The following GRIA3 variants were observed in gnomAD, a reference collection of about 807,000 sequenced individuals.
GRIA3 encodes glutamate ionotropic receptor AMPA type subunit 3.
GRIA3 carries 3 observed loss-of-function variants against 63.0 expected under a neutral mutation model. The ratio of observed to expected loss-of-function variants is 0.05; its 90% confidence interval spans 0.02 to 0.12. GRIA3 has a LOEUF of 0.12. GRIA3 is among the 10% of genes least tolerant of loss of function. The pLI, the probability that GRIA3 is intolerant of heterozygous loss-of-function variation, is 1.00. For synonymous variants in GRIA3, 274 were observed against 257.9 expected (o/e 1.06, Z -0.60); for missense variants, 347 against 700.9 (o/e 0.50, Z 5.70).
At chrX:123,246,812 T>A (rs2044361876) in intron 2 of GRIA3, among the ~76,000 whole-genome samples, 1 of 108,829 alleles carries the variant, frequency 9.2e-6, no homozygotes, top group Non-Finnish European at 1.9e-5. Flanking sequence ...AACATCATCA[T>A]TTCAGAAAAT....
intron 2 of GRIA3, chrX:123,204,431 G>A (rs773370484): frequency 8.6e-7 from 1 of 1,161,401 alleles, no homozygotes; most frequent in South Asian, 1.9e-5. Context: ...ATGAGAACAA[G>A]ATCACAAGTC....
At chrX:123,284,943 T>C (rs2044608600) in intron 3 of GRIA3, among the ~76,000 whole-genome samples, 1 of 110,674 alleles carries the variant, frequency 9.0e-6, no homozygotes, top group Non-Finnish European at 1.9e-5. Flanking sequence ...CCAAGACACA[T>C]AATCATCAGA....
At chrX:123,278,867 C>CA (rs1317854243) in intron 3 of GRIA3, among the ~76,000 whole-genome samples, 4 of 111,655 alleles carry the variant, frequency 3.6e-5, no homozygotes, top group African/African-American at 1.3e-4. Context: ...GTGATGCCTC[C>CA]AGCTTTGTTC....
intron 15 of GRIA3, among the ~76,000 whole-genome samples, chrX:123,484,556 T>C (rs1207013460): frequency 5.4e-5 from 6 of 111,836 alleles, no homozygotes; most frequent in Non-Finnish European, 9.4e-5. Flanking sequence ...TCTCAGCTCA[T>C]TGCAACCTCC....
At chrX:123,334,114 C>T (rs1457515694) in intron 4 of GRIA3, among the ~76,000 whole-genome samples, 1 of 111,315 alleles carries the variant, frequency 9.0e-6, no homozygotes, top group Non-Finnish European at 1.9e-5. Flanking sequence ...AAAAGCAAAA[C>T]CTATGGTTGG....
At chrX:123,290,643 TA>T (rs11386067) in intron 3 of GRIA3, among the ~76,000 whole-genome samples, 7 of 106,097 alleles carry the variant, frequency 6.6e-5, no homozygotes, top group African/African-American at 2.1e-4. Flanking sequence ...GGTATATGTA[TA>T]AAAAAATTAT....
At chrX:123,366,056 A>C (rs1211900704) in intron 5 of GRIA3, among the ~76,000 whole-genome samples, 1 of 111,586 alleles carries the variant, frequency 9.0e-6, no homozygotes, top group African/African-American at 3.3e-5. Flanking sequence ...GGCATTTGTA[A>C]ACTGTCATGG....
intron 7 of GRIA3, 100 bp downstream of exon 7, chrX:123,398,903 C>T (rs1179057660): frequency 1.6e-6 from 1 of 640,445 alleles, no homozygotes; most frequent in African/African-American, 2.2e-5. Flanking sequence ...AGGAATAGGA[C>T]CAGATTATGT....
intron 2 of GRIA3, among the ~76,000 whole-genome samples, chrX:123,239,295 C>G (rs1187839565): frequency 9.0e-6 from 1 of 110,556 alleles, no homozygotes; most frequent in Non-Finnish European, 1.9e-5. Flanking sequence ...TTTTATCTGA[C>G]CTGTGTCCTG....
At chrX:123,239,063 CA>C (rs1569405094) in intron 2 of GRIA3, among the ~76,000 whole-genome samples, 1 of 111,007 alleles carries the variant, frequency 9.0e-6, no homozygotes, top group Non-Finnish European at 1.9e-5. Flanking sequence ...GCTGATTGAA[CA>C]TACACATCTG....
At chrX:123,204,754 T>G in intron 2 of GRIA3, 1 of 548,911 alleles carries the variant, frequency 1.8e-6, no homozygotes, top group Non-Finnish European at 2.5e-6. Flanking sequence ...GATAAAGAAT[T>G]AACTTTTCTT....
intron 11 of GRIA3, among the ~76,000 whole-genome samples, chrX:123,427,605 G>C (rs2045596787): frequency 9.0e-6 from 1 of 111,515 alleles, no homozygotes; most frequent in Non-Finnish European, 1.9e-5. Flanking sequence ...CTATTCAGGA[G>C]GCTGAAGCTG....
chrX:123,347,629 C>T (rs1050891343), intron 4 of GRIA3, among the ~76,000 whole-genome samples: 2 of 111,584 alleles, frequency 1.8e-5, no homozygotes, highest in African/African-American at 3.3e-5. Context: ...CACTCGGAGG[C>T]TCCATTGTTC....
intron 4 of GRIA3, among the ~76,000 whole-genome samples, chrX:123,349,146 G>T (rs181673010): frequency 2.5e-3 from 276 of 112,433 alleles, no homozygotes; most frequent in African/African-American, 8.3e-3. Context: ...ATAGTCATGT[G>T]ATATGCAGAT....
chrX:123,259,939 G>A (rs967778618), intron 3 of GRIA3, among the ~76,000 whole-genome samples: 1 of 111,326 alleles, frequency 9.0e-6, no homozygotes, highest in Non-Finnish European at 1.9e-5. Flanking sequence ...TTGTCTTCCC[G>A]TGGATGCAAT....
chrX:123,290,227 A>G (rs1489134251), intron 3 of GRIA3, among the ~76,000 whole-genome samples: 1 of 111,693 alleles, frequency 9.0e-6, no homozygotes, highest in Non-Finnish European at 1.9e-5. Context: ...AGGGTGGGGA[A>G]GACTTTGGAA....
At chrX:123,338,156 G>A (rs746699697) in intron 4 of GRIA3, among the ~76,000 whole-genome samples, 1 of 112,183 alleles carries the variant, frequency 8.9e-6, no homozygotes, top group Non-Finnish European at 1.9e-5. Flanking sequence ...GGTGGCAGCA[G>A]GCCCAGCCCT....
intron 14 of GRIA3, among the ~76,000 whole-genome samples, chrX:123,481,610 A>T (rs2147446405): frequency 8.9e-6 from 1 of 112,378 alleles, no homozygotes; most frequent in South Asian, 3.7e-4. Context: ...CTCAAAATTC[A>T]CTGGCTTAAC....
rs150326109 is a variant in GRIA3, at chrX:123,205,142, C to T, written c.268+19152C>T. 3.6e-5 allele frequency among the ~76,000 whole-genome samples: 4 copies of T among 111,600 alleles called. No individual in the cohort carries two copies. In the East Asian group the frequency reaches 1.1e-3, roughly 32 times the overall value. On this transcript the variant is annotated intron_variant, in intron 2 of 15. Transcript: ENST00000620443. ...TGATAGCATTACTATATCCACTTTA[C>T]AGTTTAAAGAAACAGGCTCGAAGGA...
Sources: gnomAD v4.1 joint callset for allele counts (sites outside exome capture counted in the v4.1 genomes callset) on GRCh38, gnomAD v4.1.1 for gene constraint, MANE v1.5 for transcripts, NCBI Gene and HGNC (gene_info 2026-07-23, HGNC 2026-07-21) for gene names.